MAST4: variants seen among roughly 807,000 people sequenced by gnomAD.
MAST4 encodes microtubule associated serine/threonine kinase family member 4, also known as microtubule-associated serine/threonine-protein kinase 4.
MAST4 carries 89 observed loss-of-function variants against 162.7 expected under a neutral mutation model. The ratio of observed to expected loss-of-function variants is 0.55; its 90% confidence interval spans 0.46 to 0.65. The LOEUF (loss-of-function observed/expected upper bound fraction) is 0.65, where lower values mean the gene tolerates loss of function less well. Among genes scored for constraint, MAST4 ranks in the 30% least tolerant of loss-of-function variants. The pLI is 0.00. For missense variants in MAST4, 3,153 were observed against 3,374.0 expected, an observed-to-expected ratio of 0.93 and a Z score of 1.62; for synonymous variants, 1,479 against 1,361.1, an observed-to-expected ratio of 1.09 and a Z score of -1.91.
chr5:66,907,999 G>A (rs1401647030), intron 4 of MAST4, among the ~76,000 whole-genome samples: 1 of 152,166 alleles, frequency 6.6e-6, no homozygotes, highest in African/African-American at 2.4e-5. Flanking sequence ...TGGAAGTCCA[G>A]TGTCATTTTG....
chr5:67,090,055 G>A (rs1426032746), intron 5 of MAST4, 107 bp from the exon 6 acceptor site: 1 of 845,964 alleles, frequency 1.2e-6, no homozygotes, highest in African/African-American at 1.7e-5. Context: ...TGGAGGAAAG[G>A]ACATTCTACA....
intron 4 of MAST4, among the ~76,000 whole-genome samples, chr5:66,972,882 C>T (rs915733236): frequency 3.3e-5 from 5 of 152,200 alleles, no homozygotes; most frequent in African/African-American, 1.2e-4. Context: ...TTTTCTTGAG[C>T]ACTTCAAGCA....
intron 5 of MAST4, among the ~76,000 whole-genome samples, chr5:67,078,890 ATATTTATATATTTT>A (rs1762119291): frequency 2.3e-5 from 2 of 88,522 alleles, no homozygotes; most frequent in Non-Finnish European, 4.0e-5. Context: ...ATATATTTAT[ATATTTATATATTTT>A]TATATAAATA....
intron 5 of MAST4, among the ~76,000 whole-genome samples, chr5:67,078,945 T>TATATAC (rs1762271951): frequency 9.8e-6 from 1 of 101,848 alleles, no homozygotes; most frequent in Admixed American, 1.2e-4. Context: ...TATATATATA[T>TATATAC]ATATATGGCA....
intron 3 of MAST4, among the ~76,000 whole-genome samples, chr5:66,812,207 A>G (rs531662690): frequency 1.4e-4 from 21 of 152,228 alleles, no homozygotes; most frequent in Non-Finnish European, 2.9e-5. Flanking sequence ...CAGACCAGGA[A>G]GTATGCCAAG....
chr5:67,039,212 G>A (rs775048476), intron 4 of MAST4, among the ~76,000 whole-genome samples: 3 of 152,130 alleles, frequency 2.0e-5, no homozygotes, highest in South Asian at 2.1e-4. Flanking sequence ...TCATAGTACC[G>A]TTGATTTCTT....
chr5:66,976,793 TG>T (rs1748194208), intron 4 of MAST4, among the ~76,000 whole-genome samples: 1 of 152,210 alleles, frequency 6.6e-6, no homozygotes, highest in South Asian at 2.1e-4. Flanking sequence ...GTAAACTACC[TG>T]GGAGCCTTGA....
intron 4 of MAST4, among the ~76,000 whole-genome samples, chr5:66,934,187 A>G (rs953939702): frequency 6.9e-6 from 1 of 144,754 alleles, no homozygotes; most frequent in Admixed American, 6.9e-5. Flanking sequence ...ATGTGAATAT[A>G]CTATTGACTA....
chr5:66,613,976 A>G (rs1160176879), intron 1 of MAST4, among the ~76,000 whole-genome samples: 1 of 152,244 alleles, frequency 6.6e-6, no homozygotes, highest in South Asian at 2.1e-4. Flanking sequence ...CCCAAAAGCC[A>G]TGCAAATTTA....
chr5:67,165,119 A>T lies in MAST4; in HGVS notation c.5940A>T (p.Thr1980=). The T allele has an allele frequency of 1.3e-6, 2 of 1,589,376 alleles. No individual in the cohort carries two copies. Among genetic ancestry groups the T allele is most frequent in the African/African-American group, 2.7e-5 (2 of 74,440 alleles). ...AATCGTCTGAAAGAGGCCCTCCCACAGCCAGAAGCGAGCGCTCTGCTGCGA... is the reference window on the plus strand; with the variant it reads ...AATCGTCTGAAAGAGGCCCTCCCACTGCCAGAAGCGAGCGCTCTGCTGCGA... ...LRESSERGPP[T]ARSERSAARA... The change falls in exon 29 of 29, where the codon ACA becomes ACT. Residue 1980 remains threonine, a synonymous_variant. Transcript: ENST00000403625.
At chr5:66,896,493 T>G (rs1263034696) in intron 3 of MAST4, among the ~76,000 whole-genome samples, 2 of 152,204 alleles carry the variant, frequency 1.3e-5, no homozygotes, top group Non-Finnish European at 2.9e-5. Flanking sequence ...AGAGGAGATT[T>G]AAGCTCTACC....
chr5:66,810,431 G>A (rs1338465051), intron 3 of MAST4, among the ~76,000 whole-genome samples: 1 of 152,176 alleles, frequency 6.6e-6, no homozygotes, highest in African/African-American at 2.4e-5. Flanking sequence ...TTGGGATATG[G>A]GAGAAGGAGT....
At chr5:66,938,495 G>T (rs570372981) in intron 4 of MAST4, among the ~76,000 whole-genome samples, 1 of 152,154 alleles carries the variant, frequency 6.6e-6, no homozygotes. Flanking sequence ...CTTTACAATG[G>T]TAATGATTGT....
intron 4 of MAST4, among the ~76,000 whole-genome samples, chr5:66,948,473 T>C (rs1282346604): frequency 6.6e-6 from 1 of 152,110 alleles, no homozygotes. Context: ...CCCAGAGCCT[T>C]TTGTTGTCCC....
Position 67,163,663 on chromosome 5 carries a change from A to G in MAST4, c.4484A>G (p.Asp1495Gly). Reference protein sequence around the residue: ...PLQSLDENVCDVPPLSRARPV... With the variant: ...PLQSLDENVCGVPPLSRARPV... The stretch of plus-strand genomic sequence containing the variant: ...CAGAGCCTGGATGAGAACGTGTGCG[A>G]CGTGCCGCCGCTCAGCCGCGCCCGG... Residue 1495 changes from aspartate (D) to glycine (G), a missense_variant, in exon 29 of 29, where the codon GAC becomes GGC. Physicochemically the swap from Asp to Gly is moderately conservative, Grantham distance 94. Coordinates refer to ENST00000403625, the MANE Select transcript of MAST4 (RefSeq NM_001164664.2). The surrounding 1 kb of genome is among the most constrained non-coding windows in gnomAD (Gnocchi z 7.0). 1.2e-6 allele frequency: 2 copies of G among 1,608,410 alleles called. No homozygotes were observed. The highest frequency in any genetic ancestry group is 1.7e-4 in the Middle Eastern group (1 of 6,048).
At chr5:66,933,097 T>C (rs1352552726) in intron 4 of MAST4, among the ~76,000 whole-genome samples, 1 of 152,198 alleles carries the variant, frequency 6.6e-6, no homozygotes, top group Non-Finnish European at 1.5e-5. Context: ...TTTGCATATC[T>C]CAAGTTTATT....
At chr5:66,697,843 T>A (rs1749502303) in intron 1 of MAST4, among the ~76,000 whole-genome samples, 1 of 152,186 alleles carries the variant, frequency 6.6e-6, no homozygotes, top group Admixed American at 6.6e-5. Context: ...TCACAAGGAT[T>A]TATCATAGAT....
intron 4 of MAST4, among the ~76,000 whole-genome samples, chr5:67,011,223 A>G (rs116349123): frequency 0.041 from 6,213 of 152,004 alleles, 174 homozygotes; most frequent in Middle Eastern, 0.088. Context: ...AGGCCCTGGT[A>G]CCCCAGCCCC....
intron 1 of MAST4, among the ~76,000 whole-genome samples, chr5:66,752,287 CAT>C (rs993830284): frequency 4.0e-5 from 6 of 151,814 alleles, no homozygotes; most frequent in Non-Finnish European, 8.8e-5. Flanking sequence ...CAAATTCACA[CAT>C]AACAATATTA....
Sources: gnomAD v4.1 joint callset for allele counts (sites outside exome capture counted in the v4.1 genomes callset) on GRCh38, gnomAD v4.1.1 for gene constraint, Gnocchi (gnomAD v3.1) non-coding constraint, MANE v1.5 for transcripts, NCBI Gene and HGNC (gene_info 2026-07-23, HGNC 2026-07-21) for gene names.